CUX2: variants seen among roughly 807,000 people sequenced by gnomAD.
The protein encoded by CUX2 is homeobox protein cut-like 2.
A neutral mutation model predicts 144.8 loss-of-function variants in CUX2; 40 were observed. That is an observed-to-expected ratio of 0.28 (90% CI 0.21 to 0.36). The LOEUF (loss-of-function observed/expected upper bound fraction) is 0.36, where lower values mean the gene tolerates loss of function less well. CUX2 is among the 10% of genes least tolerant of loss of function. The pLI, the probability that CUX2 is intolerant of heterozygous loss-of-function variation, is 1.00. For missense variants in CUX2, 1,615 were observed against 1,994.0 expected (o/e 0.81, Z 3.62); for synonymous variants, 827 against 875.6 (o/e 0.94, Z 0.98).
intron 3 of CUX2, among the ~76,000 whole-genome samples, chr12:111,230,117 C>T (rs1426211133): frequency 6.8e-6 from 1 of 146,982 alleles, no homozygotes. Context: ...TATCATGCCA[C>T]TGTACTTCAG....
At chr12:111,174,215 A>G (rs1354842836) in intron 1 of CUX2, among the ~76,000 whole-genome samples, 1 of 152,172 alleles carries the variant, frequency 6.6e-6, no homozygotes, top group Non-Finnish European at 1.5e-5. Context: ...GGTGGAAGTG[A>G]GATGGCAGAG....
At chr12:111,048,356 G>A (rs1228384770) in intron 1 of CUX2, among the ~76,000 whole-genome samples, 1 of 152,174 alleles carries the variant, frequency 6.6e-6, no homozygotes, top group South Asian at 2.1e-4. Context: ...GAAGCCTTTG[G>A]GCACGCAAAC....
In CUX2 at chr12:111,034,860, G is replaced by GGCC. The variant is rs956434405; in HGVS notation, c.63+636_63+638dup. 4.2e-4 allele frequency among the ~76,000 whole-genome samples: 63 copies of GGCC among 148,880 alleles called. No homozygotes were observed. The highest frequency in any genetic ancestry group is 3.4e-3 in the Middle Eastern group (1 of 290). On this transcript the variant is annotated intron_variant, in intron 1 of 21. Coordinates refer to ENST00000261726, the MANE Select transcript of CUX2 (RefSeq NM_015267.4). This position sits in a 1 kb window ranked among gnomAD's most constrained non-coding sequence, Gnocchi z 4.2. Reference sequence around the variant, plus strand: ...CAGCCCGGACGCGCCGCCACCCGGGGGCCGCCGCCGCCGCCGCCAGAGCCG... The same window carrying GGCC: ...CAGCCCGGACGCGCCGCCACCCGGGGGCCGCCGCCGCCGCCGCCGCCAGAGCCG...
chr12:111,040,386 A>G (rs1238487790), intron 1 of CUX2, among the ~76,000 whole-genome samples: 1 of 151,578 alleles, frequency 6.6e-6, no homozygotes, highest in African/African-American at 2.4e-5. Flanking sequence ...CATTCTCTCA[A>G]TCTCTCTGGC....
chr12:111,326,582 G>T (rs981893765), intron 18 of CUX2, among the ~76,000 whole-genome samples: 18 of 152,036 alleles, frequency 1.2e-4, no homozygotes, highest in Non-Finnish European at 2.2e-4. Flanking sequence ...GTGGTGTTAG[G>T]TTTTAACTAA....
Position 111,057,535 on chromosome 12 carries a change from G to T in CUX2, c.63+23295G>T, listed in dbSNP as rs1000528706. 1.3e-5 allele frequency among the ~76,000 whole-genome samples: 2 copies of T among 151,988 alleles called. No individual in the cohort carries two copies. Among genetic ancestry groups the T allele is most frequent in the African/African-American group, 4.8e-5 (2 of 41,344 alleles). ...TCAGGGTGACCAGGCCGATTCCAACGTGGGGACCCAGACCTCCTTACACGG... is the reference window on the plus strand; with the variant it reads ...TCAGGGTGACCAGGCCGATTCCAACTTGGGGACCCAGACCTCCTTACACGG... On this transcript the variant is annotated intron_variant, in intron 1 of 21. Transcript: ENST00000261726. This position sits in a 1 kb window ranked among gnomAD's most constrained non-coding sequence, Gnocchi z 5.1.
At chr12:111,338,135 GGTCCTC>G in intron 19 of CUX2, 145 bp from the exon 20 acceptor site, 1 of 731,916 alleles carries the variant, frequency 1.4e-6, no homozygotes, top group Non-Finnish European at 2.1e-6. Flanking sequence ...ATCAGGTGTG[GGTCCTC>G]CGCCGTCTCT....
chr12:111,046,586 C>G (rs1372085612), intron 1 of CUX2, among the ~76,000 whole-genome samples: 2 of 152,202 alleles, frequency 1.3e-5, no homozygotes, highest in African/African-American at 4.8e-5. Flanking sequence ...GGACTGATGG[C>G]TGTCTCACGC....
intron 1 of CUX2, among the ~76,000 whole-genome samples, chr12:111,180,462 C>G (rs1052941581): frequency 6.6e-6 from 1 of 152,174 alleles, no homozygotes; most frequent in African/African-American, 2.4e-5. Flanking sequence ...ATCCTTCAGC[C>G]GCCAGCTGTC....
At chr12:111,259,031 C>CTATGTGTGTGTGTG (rs1351800495) in intron 3 of CUX2, among the ~76,000 whole-genome samples, 10 of 132,218 alleles carry the variant, frequency 7.6e-5, no homozygotes, top group African/African-American at 2.8e-4. Flanking sequence ...CCACACCCAG[C>CTATGTGTGTGTGTG]TGTGTGTGTG....
intron 1 of CUX2, among the ~76,000 whole-genome samples, chr12:111,036,917 A>G (rs1053431980): frequency 7.4e-5 from 2 of 27,104 alleles, no homozygotes; most frequent in African/African-American, 1.6e-4. Context: ...ACCCCACCCC[A>G]TATCCTCACT....
At chr12:111,070,318 C>T (rs1374381531) in intron 1 of CUX2, among the ~76,000 whole-genome samples, 1 of 151,824 alleles carries the variant, frequency 6.6e-6, no homozygotes, top group Non-Finnish European at 1.5e-5. Flanking sequence ...GGTTTGTCCT[C>T]CCTCTCTCCC....
chr12:111,118,259 A>G, intron 1 of CUX2, among the ~76,000 whole-genome samples: 1 of 152,218 alleles, frequency 6.6e-6, no homozygotes, highest in East Asian at 1.9e-4. Context: ...CAGGTACTCA[A>G]AACTCATCAC....
At chr12:111,306,379 C>A (rs1886582931) in intron 10 of CUX2, among the ~76,000 whole-genome samples, 1 of 150,618 alleles carries the variant, frequency 6.6e-6, no homozygotes, top group Non-Finnish European at 1.5e-5. Flanking sequence ...AGCCTGACAT[C>A]AGCCTGACTT....
At chr12:111,050,480 G>A (rs1870211494) in intron 1 of CUX2, among the ~76,000 whole-genome samples, 1 of 152,108 alleles carries the variant, frequency 6.6e-6, no homozygotes, top group Non-Finnish European at 1.5e-5. Flanking sequence ...TCTCAAAGAT[G>A]TCTCCAGGTC....
intron 3 of CUX2, among the ~76,000 whole-genome samples, chr12:111,222,443 C>T (rs905744542): frequency 2.0e-5 from 3 of 152,204 alleles, no homozygotes; most frequent in Admixed American, 2.0e-4. Flanking sequence ...CCTTTTTCTT[C>T]CACCATAAAG....
intron 3 of CUX2, among the ~76,000 whole-genome samples, chr12:111,232,671 A>G (rs974444466): frequency 6.6e-6 from 1 of 152,226 alleles, no homozygotes; most frequent in Non-Finnish European, 1.5e-5. Flanking sequence ...TTGATAGCTC[A>G]GAACCTATCT....
chr12:111,179,305 G>A (rs919696436), intron 1 of CUX2, among the ~76,000 whole-genome samples: 3 of 152,130 alleles, frequency 2.0e-5, no homozygotes, highest in Non-Finnish European at 2.9e-5. Flanking sequence ...TGTAAGATGG[G>A]CATAATACCA....
chr12:111,294,114 G>T (rs1885835854), intron 6 of CUX2, among the ~76,000 whole-genome samples: 1 of 152,254 alleles, frequency 6.6e-6, no homozygotes, highest in East Asian at 1.9e-4. Flanking sequence ...CAGGAGGATT[G>T]CTGGAGGCCA....
Sources: gnomAD v4.1 joint callset for allele counts (sites outside exome capture counted in the v4.1 genomes callset) on GRCh38, gnomAD v4.1.1 for gene constraint, Gnocchi (gnomAD v3.1) non-coding constraint, MANE v1.5 for transcripts, NCBI Gene and HGNC (gene_info 2026-07-23, HGNC 2026-07-21) for gene names.